The following COPA variants were observed in gnomAD, a reference collection of about 807,000 sequenced individuals.
COPA encodes the protein coat protein complex I subunit alpha, also known as coatomer subunit alpha.
In COPA, 10 loss-of-function variants were observed where a neutral mutation model predicts 158.7. The ratio of observed to expected loss-of-function variants is 0.06; its 90% CI spans 0.04 to 0.11. COPA has a LOEUF of 0.11. Among genes scored for constraint, COPA ranks in the 10% least tolerant of loss-of-function variants. The probability of loss-of-function intolerance (pLI) is 1.00; values close to 1 mark genes in which losing one functional copy is unlikely to be tolerated. For synonymous variants in COPA, 462 were observed against 542.8 expected (o/e 0.85, Z 2.07); for missense variants, 1,065 against 1,536.7 (o/e 0.69, Z 5.13).
At chr1:160,342,507 G>A (rs1648126675) in intron 1 of COPA, among the ~76,000 whole-genome samples, 1 of 152,074 alleles carries the variant, frequency 6.6e-6, no homozygotes. Context: ...GGTAAGCAAC[G>A]ACAGACTAAA....
chr1:160,292,152 G>A lies in COPA; in HGVS notation c.3007C>T (p.Leu1003Phe). Residue 1003 changes from leucine to phenylalanine, a missense_variant, in exon 29 of 33, where the codon CTT becomes TTT. By Grantham distance (22) the Leu-to-Phe change is conservative. Around this residue, in one of 2 missense-constraint regions of COPA, gnomAD observed 980 missense variants for 1,357.8 expected, o/e 0.72. Transcript: ENST00000241704. Reference protein sequence around the residue: ...KNGVPAVGLKLNDLIQRLQLC... With the variant: ...KNGVPAVGLKFNDLIQRLQLC... ...TGCAACCGTTGGATGAGGTCATTAA[G>A]CTTCAGGCCCACAGCTGGTACACCA... is the stretch of plus-strand genomic sequence containing the variant. The A allele has an allele frequency of 6.2e-7, 1 of 1,613,870 alleles. No homozygotes were observed. Among genetic ancestry groups the A allele is most frequent in the Non-Finnish European group, 8.5e-7 (1 of 1,180,040 alleles).
chr1:160,309,174 T>C lies in COPA; in HGVS notation c.1146A>G (p.Arg382=), dbSNP rs1422572454. The C allele has an allele frequency of 1.2e-6, 2 of 1,611,422 alleles. No homozygotes were observed. The highest frequency in any genetic ancestry group is 2.7e-5 in the African/African-American group (2 of 74,832). The change falls in exon 13 of 33, where the codon AGA becomes AGG. Residue 382 remains arginine (R), a splice_region_variant and synonymous_variant. Coordinates refer to ENST00000241704, the MANE Select transcript of COPA (RefSeq NM_004371.4). ...PAENAVLLCT[R]ASNLENSTYD... ...AGGTACTATTCTCTAGATTGCTAGC[T>C]CTCTGTAGAAGAAAAGGGGAAATTA...
chr1:160,325,565 G>C lies in COPA; in HGVS notation c.584C>G (p.Ala195Gly). 1.2e-6 allele frequency: 2 copies of C among 1,614,060 alleles called. No homozygotes were observed. The highest frequency in any genetic ancestry group is 2.2e-5 in the South Asian group (2 of 91,084). The change falls in exon 7 of 33, where the codon GCA becomes GGA. Residue 195 changes from alanine to glycine, a missense_variant. Ala to Gly is a moderately conservative substitution (Grantham distance 60, BLOSUM62 0). This residue lies in a region of COPA where 980 missense variants were observed against 1,357.8 expected (regional missense o/e 0.72). Coordinates refer to ENST00000241704, the MANE Select transcript of COPA (RefSeq NM_004371.4). ...TACCTCTAGTACATGCTTCACCACTGCATCTGTAGTTCCAAATAGATCAAC... is the reference window on the plus strand; with the variant it reads ...TACCTCTAGTACATGCTTCACCACTCCATCTGTAGTTCCAAATAGATCAAC... ...TGVDLFGTTD[A>G]VVKHVLEGHD...
intron 6 of COPA, 42 bp downstream of exon 6, chr1:160,332,406 A>C (rs1647568211): frequency 7.1e-7 from 1 of 1,416,564 alleles, no homozygotes. Context: ...GCAGTTTTGC[A>C]CCAGAGATGA....
chr1:160,339,649 G>A (rs1647944754), intron 3 of COPA: 2 of 399,642 alleles, frequency 5.0e-6, no homozygotes. Context: ...TTGGATATAT[G>A]TTTATCTTCT....
intron 12 of COPA, 86 bp from the exon 13 acceptor site, chr1:160,309,262 T>C: frequency 1.0e-6 from 1 of 970,032 alleles, no homozygotes; most frequent in Non-Finnish European, 1.7e-6. Flanking sequence ...AGAAAACAGT[T>C]CCATTGCACA....
intron 12 of COPA, among the ~76,000 whole-genome samples, chr1:160,309,626 T>C (rs551277940): frequency 5.3e-5 from 8 of 151,854 alleles, no homozygotes; most frequent in Non-Finnish European, 8.8e-5. Context: ...ACTCAGAGTA[T>C]GGGACTACTA....
At chr1:160,295,585 A>T in intron 23 of COPA, 151 bp downstream of exon 23, 4 of 847,458 alleles carry the variant, frequency 4.7e-6, no homozygotes, top group Non-Finnish European at 6.6e-6. Context: ...TTAAGTTTTT[A>T]AGACTGCACC....
rs1225712656 is a variant in COPA, at chr1:160,313,105, T to G, written c.905A>C (p.Asn302Thr). The change falls in exon 10 of 33, where the codon AAC becomes ACC. Residue 302 changes from asparagine (N) to threonine (T), a missense_variant. Physicochemically the swap from Asn to Thr is moderately conservative, Grantham distance 65. Around this residue, in one of 2 missense-constraint regions of COPA, gnomAD observed 980 missense variants for 1,357.8 expected, o/e 0.72. Transcript: ENST00000241704. The stretch of plus-strand genomic sequence containing the variant: ...CTTACCTGCTGCAAAGAGGTTAAGG[T>G]TAGGGTGAGCAGCTAGGACCCAGAA... ...DRFWVLAAHP[N>T]LNLFAAGHDG... 1.2e-6 allele frequency: 2 copies of G among 1,613,934 alleles called. No individual in the cohort carries two copies. The highest frequency in any genetic ancestry group is 1.7e-6 in the Non-Finnish European group (2 of 1,179,962).
intron 17 of COPA, among the ~76,000 whole-genome samples, chr1:160,303,960 T>A (rs1658698056): frequency 6.6e-6 from 1 of 151,748 alleles, no homozygotes; most frequent in Non-Finnish European, 1.5e-5. Context: ...TACGCATCCA[T>A]CAGATGGACA....
chr1:160,317,491 A>T (rs61734604), intron 8 of COPA: 633 of 1,609,258 alleles, frequency 3.9e-4, no homozygotes, highest in Non-Finnish European at 5.0e-4. Flanking sequence ...TGGACAGGAT[A>T]GCAGTGAGAT....
intron 13 of COPA, among the ~76,000 whole-genome samples, chr1:160,307,607 C>G (rs1658832218): frequency 7.4e-6 from 1 of 134,998 alleles, no homozygotes; most frequent in Non-Finnish European, 1.6e-5. Context: ...GTCATAGGAC[C>G]CCCTCCACAG....
intron 19 of COPA, among the ~76,000 whole-genome samples, 162 bp from the exon 20 acceptor site, chr1:160,297,907 C>T (rs1219655564): frequency 3.3e-5 from 5 of 152,100 alleles, no homozygotes; most frequent in South Asian, 2.1e-4. Flanking sequence ...CGGCTGGGTG[C>T]GGTGGCTCAC....
At chr1:160,341,112 C>T (rs952168946) in intron 1 of COPA, among the ~76,000 whole-genome samples, 6 of 152,144 alleles carry the variant, frequency 3.9e-5, no homozygotes, top group African/African-American at 1.2e-4. Context: ...ACATTTTGTT[C>T]AGTTGTATAG....
intron 3 of COPA, among the ~76,000 whole-genome samples, chr1:160,336,564 G>A (rs1364574136): frequency 2.6e-5 from 4 of 152,124 alleles, no homozygotes; most frequent in African/African-American, 9.7e-5. Context: ...GTGAAGTTGA[G>A]TCAACTACCA....
In COPA at chr1:160,292,133, C is replaced by T. The variant is rs761236399; in HGVS notation, c.3026G>A (p.Arg1009Gln). 2 of 1,613,972 alleles carry T rather than the reference C, an allele frequency of 1.2e-6. No individual in the cohort carries two copies. The highest frequency in any genetic ancestry group is 1.1e-5 in the South Asian group (1 of 91,086). The change falls in exon 29 of 33, where the codon CGG becomes CAG. Residue 1009 changes from arginine to glutamine, a missense_variant. This residue lies in a region of COPA where 980 missense variants were observed against 1,357.8 expected (regional missense o/e 0.72). Coordinates refer to ENST00000241704, the MANE Select transcript of COPA (RefSeq NM_004371.4). ...GGTGAGCTGGTAGCACAGCTGCAAC[C>T]GTTGGATGAGGTCATTAAGCTTCAG... Reference protein sequence around the residue: ...VGLKLNDLIQRLQLCYQLTTV... With the variant: ...VGLKLNDLIQQLQLCYQLTTV...
At chr1:160,342,208 C>T (rs975695213) in intron 1 of COPA, among the ~76,000 whole-genome samples, 5 of 152,150 alleles carry the variant, frequency 3.3e-5, no homozygotes, top group African/African-American at 1.2e-4. Flanking sequence ...GTAAGTCATC[C>T]AAGTCACAGC....
At chr1:160,302,629 A>C (rs1306569637) in intron 17 of COPA, among the ~76,000 whole-genome samples, 5 of 136,964 alleles carry the variant, frequency 3.7e-5, no homozygotes, top group African/African-American at 1.4e-4. Context: ...ATCTCAGCTC[A>C]CTGCAACCTC....
intron 11 of COPA, among the ~76,000 whole-genome samples, chr1:160,311,053 C>T (rs1658950694): frequency 6.6e-6 from 1 of 152,284 alleles, no homozygotes; most frequent in Non-Finnish European, 1.5e-5. Flanking sequence ...ATGACCACTT[C>T]CTTGCCTCCC....
Sources: gnomAD v4.1 joint callset for allele counts (sites outside exome capture counted in the v4.1 genomes callset) on GRCh38, gnomAD v4.1.1 for gene constraint, gnomAD v4.1.1 regional missense constraint, MANE v1.5 for transcripts, NCBI Gene and HGNC (gene_info 2026-07-23, HGNC 2026-07-21) for gene names.